The following STAB2 variants were observed in gnomAD, a reference collection of about 807,000 sequenced individuals.
The protein encoded by STAB2 is stabilin-2.
In STAB2, 288 loss-of-function variants were observed where a neutral mutation model predicts 338.1. The observed-to-expected ratio is 0.85, with a 90% CI of 0.77 to 0.94. The LOEUF (loss-of-function observed/expected upper bound fraction) is 0.94. STAB2 is among the 40% of genes least tolerant of loss of function. The pLI is 0.00. For synonymous variants in STAB2, 1,202 were observed against 1,193.3 expected, an observed-to-expected ratio of 1.01 and a Z score of -0.15; for missense variants, 3,141 against 3,210.1, an observed-to-expected ratio of 0.98 and a Z score of 0.52.
chr12:103,712,270 C>A, intron 40 of STAB2, 97 bp from the exon 41 acceptor site: 1 of 923,884 alleles, frequency 1.1e-6, no homozygotes, highest in South Asian at 1.3e-5. Flanking sequence ...CTCATGGGGG[C>A]AGGGGCCAGG....
intron 56 of STAB2, among the ~76,000 whole-genome samples, chr12:103,743,335 T>C (rs760800380): frequency 1.3e-5 from 2 of 152,186 alleles, no homozygotes; most frequent in Non-Finnish European, 2.9e-5. Flanking sequence ...ATATTTCTAA[T>C]GTCTAGGGAT....
chr12:103,594,586 C>T, intron 3 of STAB2, 76 bp downstream of exon 3: 2 of 1,152,932 alleles, frequency 1.7e-6, no homozygotes, highest in Non-Finnish European at 2.6e-6. Context: ...ATGAAGGAAG[C>T]CCAATAAAAA....
At chr12:103,734,836 A>C (rs1000356497) in intron 51 of STAB2, among the ~76,000 whole-genome samples, 1 of 152,096 alleles carries the variant, frequency 6.6e-6, no homozygotes, top group Non-Finnish European at 1.5e-5. Flanking sequence ...AATTTGCTCC[A>C]TGCTTCTCTC....
intron 9 of STAB2, among the ~76,000 whole-genome samples, chr12:103,647,784 C>T (rs973853537): frequency 1.3e-5 from 2 of 152,226 alleles, no homozygotes; most frequent in African/African-American, 2.4e-5. Flanking sequence ...CAGCATACCA[C>T]TGATAGTACA....
chr12:103,706,794 G>T lies in STAB2; in HGVS notation c.3999G>T (p.Thr1333=). 6.2e-7 allele frequency: 1 copy of T among 1,614,242 alleles called. No individual in the cohort carries two copies. Among genetic ancestry groups the T allele is most frequent in the Non-Finnish European group, 8.5e-7 (1 of 1,180,048 alleles). The part of the protein sequence containing the change: ...CQPKCVRTVI[T]RECCAGFFGP... Reference sequence around the variant, plus strand: ...CAAGCTTTGTCCTTCTGTTTCAGACGAGAGAATGCTGTGCCGGCTTCTTTG... The same window carrying T: ...CAAGCTTTGTCCTTCTGTTTCAGACTAGAGAATGCTGTGCCGGCTTCTTTG... Residue 1333 remains threonine, a splice_region_variant and synonymous_variant, in exon 38 of 69, where the codon ACG becomes ACT. Coordinates refer to ENST00000388887, the MANE Select transcript of STAB2 (RefSeq NM_017564.10).
rs1379956593 is a variant in STAB2, at chr12:103,759,207, C to A, written c.7182C>A (p.Gly2394=). 5 of 1,614,074 alleles carry A rather than the reference C, an allele frequency of 3.1e-6. No homozygotes were observed. In the African/African-American group the frequency reaches 6.7e-5, roughly 22 times the overall value. ...SMFFYNDLVN[G]TTLQTRLGSK... is the part of the protein sequence containing the mutation. ...TTTTCTACAATGACCTTGTCAATGG[C>A]ACCACCCTGCAAACGAGGCTGGGAA... Residue 2394 remains glycine (G), a synonymous_variant, in exon 65 of 69, where the codon GGC becomes GGA. Coordinates refer to ENST00000388887, the MANE Select transcript of STAB2 (RefSeq NM_017564.10).
chr12:103,602,000 A>T (rs1677292367), intron 3 of STAB2, among the ~76,000 whole-genome samples: 1 of 152,100 alleles, frequency 6.6e-6, no homozygotes, highest in African/African-American at 2.4e-5. Flanking sequence ...ATACAGTAAA[A>T]CTCAACCTTT....
chr12:103,600,926 T>C (rs1295259778), intron 3 of STAB2, among the ~76,000 whole-genome samples: 1 of 98,740 alleles, frequency 1.0e-5, no homozygotes, highest in Non-Finnish European at 1.9e-5. Flanking sequence ...CTTGTGAAAA[T>C]ATGAAGAGAA....
intron 19 of STAB2, 122 bp from the exon 20 acceptor site, chr12:103,668,521 C>G: frequency 2.3e-6 from 2 of 868,856 alleles, no homozygotes; most frequent in Non-Finnish European, 3.7e-6. Flanking sequence ...TGTGGTCCAG[C>G]ACTCTCTCCT....
chr12:103,741,942 A>G (rs1484296032), intron 55 of STAB2, among the ~76,000 whole-genome samples: 2 of 152,182 alleles, frequency 1.3e-5, no homozygotes, highest in Non-Finnish European at 2.9e-5. Flanking sequence ...CTCCATCACT[A>G]AAGTGTGGAC....
chr12:103,738,253 C>T (rs988444331), intron 53 of STAB2, among the ~76,000 whole-genome samples: 2 of 152,160 alleles, frequency 1.3e-5, no homozygotes, highest in Admixed American at 6.5e-5. Context: ...TATTCACTTA[C>T]CCATTGATTC....
chr12:103,654,804 G>A, intron 13 of STAB2, 106 bp downstream of exon 13: 2 of 1,397,952 alleles, frequency 1.4e-6, no homozygotes, highest in East Asian at 2.4e-5. Context: ...CTTCGTTTGT[G>A]CTAGGATCCC....
chr12:103,611,417 A>G (rs1224867326), intron 3 of STAB2, among the ~76,000 whole-genome samples: 4 of 152,002 alleles, frequency 2.6e-5, no homozygotes, highest in Non-Finnish European at 4.4e-5. Context: ...TCTTCTTGTT[A>G]AATTGATCCC....
chr12:103,660,561 A>C, intron 16 of STAB2, 122 bp from the exon 17 acceptor site: 1 of 1,312,292 alleles, frequency 7.6e-7, no homozygotes. Context: ...AAAACTCTTG[A>C]GATCAAAACT....
chr12:103,653,975 T>C (rs1873985815), intron 12 of STAB2, among the ~76,000 whole-genome samples: 1 of 151,586 alleles, frequency 6.6e-6, no homozygotes, highest in South Asian at 2.1e-4. Context: ...GATGGATGGA[T>C]GGATGGATGG....
rs1287680992 is a variant in STAB2 at position 103,669,600 on chromosome 12, C to T, written c.2232C>T (p.Phe744=). 1.9e-6 allele frequency: 3 copies of T among 1,614,084 alleles called. No individual in the cohort carries two copies. Among genetic ancestry groups the T allele is most frequent in the Non-Finnish European group, 1.7e-6 (2 of 1,180,038 alleles). The part of the protein sequence containing the change: ...GPDCNQCPGG[F]SNPCSGNGQC... ...ACTGCAACCAGTGTCCAGGAGGCTT[C>T]TCAAATCCATGCTCAGGAAATGGAC... Residue 744 remains phenylalanine (F), a synonymous_variant, in exon 21 of 69, where the codon TTC becomes TTT. Transcript: ENST00000388887.
Position 103,713,639 on chromosome 12 carries a change from A to G in STAB2, c.4412-4A>G, listed in dbSNP as rs765923663. 1.5e-5 allele frequency: 24 copies of G among 1,613,684 alleles called. No individual in the cohort carries two copies. The highest frequency in any genetic ancestry group is 2.7e-5 in the African/African-American group (2 of 74,910). ...CCCCTTCTGCTCTGTGTCATCTTCT[A>G]TAGCAATCAATGCCTGTGAGATCAG... On this transcript the variant is annotated splice_region_variant and splice_polypyrimidine_tract_variant and intron_variant, in intron 41 of 68. Coordinates refer to ENST00000388887, the MANE Select transcript of STAB2 (RefSeq NM_017564.10).
In STAB2 at chr12:103,706,939, G is replaced by A. The variant is rs142924913; in HGVS notation, c.4144G>A (p.Ala1382Thr). 109 of 1,614,226 alleles carry A rather than the reference G, an allele frequency of 6.8e-5. No individual in the cohort carries two copies. Among genetic ancestry groups the A allele is most frequent in the Non-Finnish European group, 8.9e-5 (105 of 1,180,036 alleles). Residue 1382 changes from alanine to threonine, a missense_variant, in exon 38 of 69, where the codon GCC becomes ACC. Transcript: ENST00000388887. ...GTGTGGGGAGGGCTTCAGCGGCACA[G>A]CCTGCGAGACCTGCACCGAGGGCAA... ...CECGEGFSGT[A>T]CETCTEGKYG...
chr12:103,607,949 G>C (rs1266320522), intron 3 of STAB2, among the ~76,000 whole-genome samples: 1 of 152,124 alleles, frequency 6.6e-6, no homozygotes, highest in Non-Finnish European at 1.5e-5. Flanking sequence ...CTAGATCCCT[G>C]AGGAATCGCC....
Sources: gnomAD v4.1 joint callset for allele counts (sites outside exome capture counted in the v4.1 genomes callset) on GRCh38, gnomAD v4.1.1 for gene constraint, MANE v1.5 for transcripts, NCBI Gene and HGNC (gene_info 2026-07-23, HGNC 2026-07-21) for gene names.